DIP2C: variants seen among roughly 807,000 people sequenced by gnomAD.
DIP2C encodes disco-interacting protein 2 homolog C.
A neutral mutation model predicts 192.4 loss-of-function variants in DIP2C; 33 were observed. That is an observed-to-expected ratio of 0.17 (90% CI 0.13 to 0.23). The LOEUF (loss-of-function observed/expected upper bound fraction) is 0.23, where lower values mean the gene tolerates loss of function less well. Ranked by LOEUF, DIP2C falls within the 10% of genes least tolerant of loss-of-function variation. The probability of loss-of-function intolerance (pLI) is 1.00; values close to 1 mark genes in which losing one functional copy is unlikely to be tolerated. For synonymous variants in DIP2C, 979 were observed against 864.1 expected, an observed-to-expected ratio of 1.13 and a Z score of -2.33; for missense variants, 1,537 against 2,110.1, an observed-to-expected ratio of 0.73 and a Z score of 5.32.
chr10:667,687 TAC>T (rs1203302760), intron 1 of DIP2C: 2 of 144,592 alleles, frequency 1.4e-5, no homozygotes, highest in Non-Finnish European at 1.5e-5. Flanking sequence ...GTACAACACA[TAC>T]ACACATACAG....
chr10:573,853 T>TA (rs1447025912), intron 1 of DIP2C, among the ~76,000 whole-genome samples: 1 of 152,142 alleles, frequency 6.6e-6, no homozygotes, highest in Non-Finnish European at 1.5e-5. Flanking sequence ...ATGCCAAGAA[T>TA]AAAATGTATT....
At chr10:462,218 T>C (rs147760057) in intron 3 of DIP2C, among the ~76,000 whole-genome samples, 2,364 of 151,508 alleles carry the variant, frequency 0.016, 67 homozygotes, top group African/African-American at 0.055. Flanking sequence ...GAAAAACTCT[T>C]CAAAAAAATC....
At chr10:684,619 C>T (rs1348247930) in intron 1 of DIP2C, among the ~76,000 whole-genome samples, 1 of 152,168 alleles carries the variant, frequency 6.6e-6, no homozygotes, top group Non-Finnish European at 1.5e-5. Context: ...CAGGGTGGAA[C>T]CTCCAAGAAA....
chr10:608,089 CAT>C (rs1418299282), intron 1 of DIP2C, among the ~76,000 whole-genome samples: 2 of 149,878 alleles, frequency 1.3e-5, no homozygotes, highest in African/African-American at 5.0e-5. Flanking sequence ...ACCTCCCTCT[CAT>C]AACCTAAAAA....
At chr10:290,071 C>T (rs1477386161) in intron 32 of DIP2C, among the ~76,000 whole-genome samples, 1 of 152,238 alleles carries the variant, frequency 6.6e-6, no homozygotes, top group East Asian at 1.9e-4. Flanking sequence ...GCACTTTCTC[C>T]TCTGCGGGAG....
chr10:671,547 G>A (rs1396452148), intron 1 of DIP2C, among the ~76,000 whole-genome samples: 2 of 80,320 alleles, frequency 2.5e-5, no homozygotes, highest in Non-Finnish European at 2.4e-5. Flanking sequence ...GGCCACAGAC[G>A]CACGGACGGA....
intron 14 of DIP2C, among the ~76,000 whole-genome samples, chr10:386,611 A>G (rs931769767): frequency 6.6e-6 from 1 of 152,206 alleles, no homozygotes; most frequent in African/African-American, 2.4e-5. Context: ...GTAACACGGA[A>G]AGAAGCCAGC....
chr10:531,977 G>A (rs772049881), intron 1 of DIP2C, among the ~76,000 whole-genome samples: 2 of 152,124 alleles, frequency 1.3e-5, no homozygotes, highest in African/African-American at 2.4e-5. Flanking sequence ...GAGAACACAG[G>A]GTACCAACCG....
Position 639,346 on chromosome 10 carries a change from C to T in DIP2C, c.85+50148G>A, listed in dbSNP as rs565139417. On this transcript the variant is annotated intron_variant, in intron 1 of 36. Transcript: ENST00000280886. ...GTCCACACGTGGGGATGTGTCAGGT[C>T]GGGAGGGTGCTGCCCGGCTCACGGT... is the stretch of plus-strand genomic sequence containing the variant. Among the ~76,000 whole-genome samples the T allele has an allele frequency of 1.6e-3, 217 of 139,318 alleles. 4 individuals are homozygous for T. The highest frequency in any genetic ancestry group is 2.5e-3 in the Admixed American group (35 of 13,842). 91.4% of individuals were successfully genotyped at this position (139,318 alleles called of 152,430 possible).
intron 1 of DIP2C, among the ~76,000 whole-genome samples, chr10:579,588 G>C (rs1212229394): frequency 6.6e-6 from 1 of 152,020 alleles, no homozygotes; most frequent in East Asian, 1.9e-4. Flanking sequence ...TACATGCATA[G>C]AGCATACACA....
At chr10:534,843 A>G (rs371713115) in intron 1 of DIP2C, among the ~76,000 whole-genome samples, 19 of 149,964 alleles carry the variant, frequency 1.3e-4, no homozygotes, top group African/African-American at 4.4e-4. Flanking sequence ...CGCCCGGCTA[A>G]TTTTTTGTAT....
chr10:499,822 G>T (rs1394361857), intron 1 of DIP2C, among the ~76,000 whole-genome samples: 1 of 152,210 alleles, frequency 6.6e-6, no homozygotes, highest in Non-Finnish European at 1.5e-5. Context: ...CATTTTAAAG[G>T]AACTCTGAAA....
intron 2 of DIP2C, among the ~76,000 whole-genome samples, chr10:473,698 C>T (rs908942631): frequency 1.3e-5 from 2 of 152,252 alleles, no homozygotes; most frequent in African/African-American, 4.8e-5. Context: ...AAGAACTGCT[C>T]TAAGAGTGAG....
chr10:552,780 C>G (rs1192675094), intron 1 of DIP2C, among the ~76,000 whole-genome samples: 1 of 152,182 alleles, frequency 6.6e-6, no homozygotes, highest in East Asian at 1.9e-4. Context: ...ACCGGGGAGG[C>G]GGAGCTTGCA....
chr10:614,794 T>C (rs1364746040), intron 1 of DIP2C, among the ~76,000 whole-genome samples: 1 of 152,166 alleles, frequency 6.6e-6, no homozygotes, highest in Non-Finnish European at 1.5e-5. Flanking sequence ...AGGGAGTAGG[T>C]ATGGGAAGGA....
intron 28 of DIP2C, among the ~76,000 whole-genome samples, chr10:342,692 G>T (rs1439576399): frequency 6.6e-6 from 1 of 152,134 alleles, no homozygotes; most frequent in East Asian, 1.9e-4. Context: ...GTTAGAGCTA[G>T]GAGTTAGAGC....
At chr10:384,665 G>C (rs992023416) in intron 14 of DIP2C, 26 bp from the exon 15 acceptor site, 6 of 1,611,372 alleles carry the variant, frequency 3.7e-6, no homozygotes, top group Non-Finnish European at 5.1e-6. Flanking sequence ...GAACACGCAG[G>C]GTGAGCATGG....
At chr10:400,098 G>A (rs1465677638) in intron 9 of DIP2C, among the ~76,000 whole-genome samples, 1 of 152,138 alleles carries the variant, frequency 6.6e-6, no homozygotes, top group African/African-American at 2.4e-5. Context: ...AGGCTGGAGT[G>A]CAGTGGCACA....
rs574272124 is a variant in DIP2C at position 666,647 on chromosome 10, G to A, written c.85+22847C>T. The A allele has an allele frequency of 1.6e-4, 6 of 38,078 alleles. No individual in the cohort carries two copies. In the Admixed American group the frequency reaches 1.8e-3, roughly 12 times the overall value. The allele number at this position is 38,078 out of a possible 1,614,324, so 2.4% of individuals were successfully genotyped here. A position where few individuals can be genotyped will look rare whatever the true frequency, so the allele number is the denominator to read the frequency against. On this transcript the variant is annotated intron_variant, in intron 1 of 36. Coordinates refer to ENST00000280886, the MANE Select transcript of DIP2C (RefSeq NM_014974.3). The surrounding 1 kb of genome is among the most constrained non-coding windows in gnomAD (Gnocchi z 4.1). ...CCCGTGGCCTGTCTGCCCGTGGCCTGTCTGCGCACAGCTATTAAAAGTTCA... is the reference window on the plus strand; with the variant it reads ...CCCGTGGCCTGTCTGCCCGTGGCCTATCTGCGCACAGCTATTAAAAGTTCA...
Sources: gnomAD v4.1 joint callset for allele counts (sites outside exome capture counted in the v4.1 genomes callset) on GRCh38, gnomAD v4.1.1 for gene constraint, Gnocchi (gnomAD v3.1) non-coding constraint, MANE v1.5 for transcripts, NCBI Gene and HGNC (gene_info 2026-07-23, HGNC 2026-07-21) for gene names.